The following ABI2 variants were observed in gnomAD, a reference collection of about 807,000 sequenced individuals.
ABI2 encodes abl interactor 2.
In ABI2, 25 loss-of-function variants were observed where a neutral mutation model predicts 59.2. The observed-to-expected ratio is 0.42, with a 90% CI of 0.31 to 0.59. ABI2 has a LOEUF of 0.59. Among genes scored for constraint, ABI2 ranks in the 20% least tolerant of loss-of-function variants. The pLI is 0.14. For missense variants in ABI2, 545 were observed against 681.8 expected, an observed-to-expected ratio of 0.80 and a Z score of 2.23; for synonymous variants, 213 against 235.5, an observed-to-expected ratio of 0.90 and a Z score of 0.87.
chr2:203,373,009 T>C lies in ABI2; in HGVS notation c.285+5965T>C, dbSNP rs556954837. 6.0e-5 allele frequency among the ~76,000 whole-genome samples: 9 copies of C among 149,986 alleles called. No individual in the cohort carries two copies. In the South Asian group the frequency reaches 1.9e-3, roughly 32 times the overall value. On this transcript the variant is annotated intron_variant, in intron 2 of 11. Transcript: ENST00000261018. ...CAGCCAGGCAGAGGGGCTCCTCACGTCCCAGACGATGGGCAGCCACGCAGA... is the reference window on the plus strand; with the variant it reads ...CAGCCAGGCAGAGGGGCTCCTCACGCCCCAGACGATGGGCAGCCACGCAGA...
intron 1 of ABI2, among the ~76,000 whole-genome samples, chr2:203,358,106 TG>T (rs2092660535): frequency 1.4e-5 from 2 of 146,546 alleles, no homozygotes; most frequent in Non-Finnish European, 3.0e-5. Flanking sequence ...TGTGTGTGTG[TG>T]TGTGTGTTTG....
intron 2 of ABI2, 177 bp downstream of exon 2, chr2:203,367,221 C>A (rs1245235404): frequency 1.2e-6 from 1 of 827,110 alleles, no homozygotes; most frequent in Non-Finnish European, 1.6e-6. Context: ...GTTATCTTCT[C>A]TGTGATTTTG....
rs886887963 is a variant in ABI2, at chr2:203,395,562, T to G, written c.726-94T>G. On this transcript the variant is annotated intron_variant, in intron 6 of 11. Coordinates refer to ENST00000261018, the MANE Select transcript of ABI2 (RefSeq NM_001375670.1). ...GTGGTACGCTTTTGAATTACCTTTA[T>G]TGTAGCTACATTCATCTCAGAAAAT... The G allele has an allele frequency of 5.1e-6, 7 of 1,364,350 alleles. No homozygotes were observed. In the African/African-American group the frequency reaches 8.9e-5, roughly 17 times the overall value. The allele number at this position is 1,364,350 out of a possible 1,614,324, so 84.5% of individuals were successfully genotyped here. A position where few individuals can be genotyped will look rare whatever the true frequency, so the allele number is the denominator to read the frequency against.
chr2:203,385,440 A>G (rs932796310), intron 4 of ABI2, among the ~76,000 whole-genome samples: 1 of 152,026 alleles, frequency 6.6e-6, no homozygotes, highest in South Asian at 2.1e-4. Flanking sequence ...CAGATTCTTA[A>G]TAATTAATGA....
chr2:203,376,019 T>A, intron 2 of ABI2: 1 of 1,417,750 alleles, frequency 7.1e-7, no homozygotes, highest in Non-Finnish European at 9.6e-7. Flanking sequence ...ATTATAGATG[T>A]TTTTTAAAAG....
intron 9 of ABI2, among the ~76,000 whole-genome samples, chr2:203,405,757 G>A (rs1445213241): frequency 6.6e-6 from 1 of 152,042 alleles, no homozygotes; most frequent in Non-Finnish European, 1.5e-5. Context: ...ATGCTTCTGA[G>A]GAAGTGAGCT....
chr2:203,403,846 G>A (rs1418924008), intron 9 of ABI2, among the ~76,000 whole-genome samples: 2 of 148,530 alleles, frequency 1.3e-5, no homozygotes, highest in African/African-American at 5.0e-5. Flanking sequence ...CTGCCTCCTG[G>A]GTTCAAGAGA....
chr2:203,369,961 G>T (rs1359101060), intron 2 of ABI2, among the ~76,000 whole-genome samples: 1 of 151,718 alleles, frequency 6.6e-6, no homozygotes, highest in Non-Finnish European at 1.5e-5. Flanking sequence ...TATTTAAAAA[G>T]TCAGTTGAAT....
chr2:203,426,178 T>C (rs2098420790), intron 11 of ABI2, among the ~76,000 whole-genome samples: 1 of 152,206 alleles, frequency 6.6e-6, no homozygotes, highest in African/African-American at 2.4e-5. Flanking sequence ...TTGTTTCTCA[T>C]TGATTTATGT....
chr2:203,374,670 C>G, intron 2 of ABI2: 1 of 329,544 alleles, frequency 3.0e-6, no homozygotes. Context: ...CTGTTAGTAA[C>G]TAATTTGTTT....
At chr2:203,415,879 A>G (rs723115) in intron 10 of ABI2, among the ~76,000 whole-genome samples, 112,126 of 152,134 alleles carry the variant, frequency 0.74, 42,444 homozygotes, top group Middle Eastern at 0.87. Context: ...TTTTGATGTT[A>G]CTATATATTG....
At chr2:203,383,857 T>C (rs2096285866) in intron 4 of ABI2, among the ~76,000 whole-genome samples, 1 of 152,158 alleles carries the variant, frequency 6.6e-6, no homozygotes, top group Non-Finnish European at 1.5e-5. Context: ...CGTTTTTCTT[T>C]CTACTTCTCT....
intron 10 of ABI2, among the ~76,000 whole-genome samples, chr2:203,412,245 C>T (rs2097708141): frequency 6.6e-6 from 1 of 152,192 alleles, no homozygotes; most frequent in African/African-American, 2.4e-5. Context: ...AGAATGTAAG[C>T]TCTATAAGAG....
intron 2 of ABI2, chr2:203,375,992 G>T: frequency 7.9e-7 from 1 of 1,259,172 alleles, no homozygotes; most frequent in East Asian, 2.5e-5. Context: ...TTATACCGTT[G>T]TTAGATTACC....
chr2:203,341,198 A>G lies in ABI2; in HGVS notation c.117+12567A>G, dbSNP rs1476163463. ...TCCCTTTGCTTATACTTATCCTTCC[A>G]TGCTTTTTTTACGCCTACATATTTT... On this transcript the variant is annotated intron_variant, in intron 1 of 11. Transcript: ENST00000261018. Among the ~76,000 whole-genome samples the G allele has an allele frequency of 2.6e-5, 4 of 152,030 alleles. No homozygotes were observed. In the East Asian group the frequency reaches 7.7e-4, roughly 29 times the overall value.
At chr2:203,369,974 C>G (rs2094958628) in intron 2 of ABI2, among the ~76,000 whole-genome samples, 1 of 151,436 alleles carries the variant, frequency 6.6e-6, no homozygotes, top group Non-Finnish European at 1.5e-5. Context: ...AGTTGAATAT[C>G]AAAACTATTT....
chr2:203,376,243 C>A, intron 2 of ABI2: 2 of 731,694 alleles, frequency 2.7e-6, no homozygotes, highest in Admixed American at 2.8e-5. Flanking sequence ...GTTGTCACAT[C>A]TCATGGTGGG....
chr2:203,359,642 A>T (rs1226444445), intron 1 of ABI2, among the ~76,000 whole-genome samples: 1 of 152,160 alleles, frequency 6.6e-6, no homozygotes, highest in Non-Finnish European at 1.5e-5. Context: ...AGACGTCAGC[A>T]GATTTGGTGT....
intron 1 of ABI2, among the ~76,000 whole-genome samples, chr2:203,345,390 G>GT (rs2152589877): frequency 6.6e-6 from 1 of 152,268 alleles, no homozygotes; most frequent in African/African-American, 2.4e-5. Context: ...TTTAAGAACT[G>GT]TAACATTCAC....
Sources: gnomAD v4.1 joint callset for allele counts (sites outside exome capture counted in the v4.1 genomes callset) on GRCh38, gnomAD v4.1.1 for gene constraint, MANE v1.5 for transcripts, NCBI Gene and HGNC (gene_info 2026-07-23, HGNC 2026-07-21) for gene names.